Variants in INPP4B observed in about 807,000 individuals in gnomAD.
The protein encoded by INPP4B is inositol polyphosphate-4-phosphatase type II B, also known as inositol polyphosphate 4-phosphatase type II.
INPP4B carries 55 observed loss-of-function variants against 122.5 expected under a neutral mutation model. The observed-to-expected ratio is 0.45, with a 90% CI of 0.36 to 0.56. INPP4B has a LOEUF of 0.56. INPP4B is among the 20% of genes least tolerant of loss of function. The probability of loss-of-function intolerance (pLI) is 0.00; values close to 1 mark genes in which losing one functional copy is unlikely to be tolerated. For missense variants in INPP4B, 1,000 were observed against 1,097.7 expected, an observed-to-expected ratio of 0.91 and a Z score of 1.26; for synonymous variants, 403 against 388.7, an observed-to-expected ratio of 1.04 and a Z score of -0.43.
chr4:142,829,758 T>C (rs1173913857), intron 1 of INPP4B, among the ~76,000 whole-genome samples: 1 of 152,102 alleles, frequency 6.6e-6, no homozygotes, highest in East Asian at 1.9e-4. Context: ...CAGTTTAAGA[T>C]AAACAGAAAT....
At chr4:142,380,653 T>C (rs568354952) in intron 7 of INPP4B, among the ~76,000 whole-genome samples, 136 of 152,234 alleles carry the variant, frequency 8.9e-4, no homozygotes, top group African/African-American at 3.1e-3. Flanking sequence ...TTTATTATGC[T>C]ATTATTTCAT....
intron 9 of INPP4B, among the ~76,000 whole-genome samples, chr4:142,283,026 G>T (rs557228873): frequency 3.6e-4 from 55 of 152,200 alleles, no homozygotes; most frequent in African/African-American, 1.3e-3. Context: ...CACAACTTGG[G>T]CTGCAATATG....
intron 15 of INPP4B, among the ~76,000 whole-genome samples, chr4:142,174,454 A>C (rs988119509): frequency 6.6e-6 from 1 of 152,150 alleles, no homozygotes; most frequent in African/African-American, 2.4e-5. Flanking sequence ...AGAAATGAGG[A>C]GAAAATTAAT....
intron 1 of INPP4B, among the ~76,000 whole-genome samples, chr4:142,809,348 T>G (rs1300146035): frequency 1.3e-5 from 2 of 152,216 alleles, no homozygotes; most frequent in Admixed American, 6.5e-5. Context: ...TAATCCTGAC[T>G]TTGCATATTT....
At chr4:142,617,973 T>C (rs1010846245) in intron 2 of INPP4B, among the ~76,000 whole-genome samples, 2 of 152,146 alleles carry the variant, frequency 1.3e-5, no homozygotes, top group Non-Finnish European at 2.9e-5. Flanking sequence ...AAAAATATCA[T>C]ACTTAAGAAG....
chr4:142,459,289 GAA>G (rs201442354), intron 3 of INPP4B, among the ~76,000 whole-genome samples: 13,330 of 97,094 alleles, frequency 0.14, 861 homozygotes, highest in African/African-American at 0.24. Flanking sequence ...ACAAACAAAT[GAA>G]AAAAAAAAAA....
chr4:142,133,449 T>C (rs1802359160), intron 18 of INPP4B, among the ~76,000 whole-genome samples: 1 of 152,210 alleles, frequency 6.6e-6, no homozygotes. Context: ...TCATCATGCC[T>C]CACCTTGACA....
intron 9 of INPP4B, among the ~76,000 whole-genome samples, chr4:142,291,480 C>T (rs1457118983): frequency 6.6e-6 from 1 of 152,152 alleles, no homozygotes; most frequent in Non-Finnish European, 1.5e-5. Context: ...CATGTGTCAG[C>T]TTTATATGCT....
chr4:142,255,174 A>G (rs1005834505), intron 11 of INPP4B, among the ~76,000 whole-genome samples: 1 of 152,012 alleles, frequency 6.6e-6, no homozygotes, highest in Non-Finnish European at 1.5e-5. Flanking sequence ...TGTCACCACC[A>G]GGCCTGCCCT....
At chr4:142,719,694 T>C (rs1293555235) in intron 2 of INPP4B, among the ~76,000 whole-genome samples, 1 of 152,186 alleles carries the variant, frequency 6.6e-6, no homozygotes, top group Non-Finnish European at 1.5e-5. Context: ...AAAAATTATA[T>C]GTACTATAAT....
chr4:142,239,064 A>G (rs1474924197), intron 11 of INPP4B, among the ~76,000 whole-genome samples: 1 of 152,134 alleles, frequency 6.6e-6, no homozygotes, highest in African/African-American at 2.4e-5. Context: ...ATGTACAGGG[A>G]AAAATTCTTT....
At chr4:142,398,372 T>C (rs1296246537) in intron 7 of INPP4B, among the ~76,000 whole-genome samples, 2 of 36,262 alleles carry the variant, frequency 5.5e-5, no homozygotes, top group Non-Finnish European at 9.4e-5. Flanking sequence ...AGCCAGACTC[T>C]GTCTAAAAAA....
chr4:142,242,965 A>G (rs1386276279), intron 11 of INPP4B, among the ~76,000 whole-genome samples: 2 of 152,114 alleles, frequency 1.3e-5, no homozygotes, highest in Non-Finnish European at 2.9e-5. Flanking sequence ...AGTAAATATA[A>G]ACATTCCACA....
At chr4:142,210,723 T>C (rs1844518513) in intron 12 of INPP4B, among the ~76,000 whole-genome samples, 1 of 152,234 alleles carries the variant, frequency 6.6e-6, no homozygotes, top group Non-Finnish European at 1.5e-5. Flanking sequence ...ATGAAAATAT[T>C]AGCTAACAAT....
chr4:142,734,391 T>C (rs543080579), intron 1 of INPP4B, among the ~76,000 whole-genome samples: 1 of 152,280 alleles, frequency 6.6e-6, no homozygotes, highest in East Asian at 1.9e-4. Context: ...TACACATTTA[T>C]ATAAAAGTGG....
chr4:142,724,607 A>C (rs74743795), intron 2 of INPP4B, among the ~76,000 whole-genome samples: 1 of 152,098 alleles, frequency 6.6e-6, no homozygotes, highest in Non-Finnish European at 1.5e-5. Flanking sequence ...AACTTCATTA[A>C]CCATTTAAGA....
intron 2 of INPP4B, among the ~76,000 whole-genome samples, chr4:142,624,568 C>T (rs1034006515): frequency 1.3e-5 from 2 of 152,100 alleles, no homozygotes; most frequent in African/African-American, 4.8e-5. Flanking sequence ...GGAACTTGTA[C>T]CATTCCTTCT....
intron 2 of INPP4B, among the ~76,000 whole-genome samples, chr4:142,516,765 G>T (rs1045171911): frequency 2.1e-4 from 30 of 145,926 alleles, no homozygotes; most frequent in African/African-American, 5.3e-4. Flanking sequence ...TTCCTGTTTT[G>T]TTTTTTTTTT....
At chr4:142,300,088 T>C (rs1426058278) in intron 9 of INPP4B, among the ~76,000 whole-genome samples, 2 of 152,304 alleles carry the variant, frequency 1.3e-5, no homozygotes, top group Admixed American at 6.5e-5. Context: ...GAAAACAAAA[T>C]TTGTCATTTA....
Sources: gnomAD v4.1 joint callset for allele counts (sites outside exome capture counted in the v4.1 genomes callset) on GRCh38, gnomAD v4.1.1 for gene constraint, MANE v1.5 for transcripts, NCBI Gene and HGNC (gene_info 2026-07-23, HGNC 2026-07-21) for gene names.